SCAPER: variants seen among roughly 807,000 people sequenced by gnomAD.
The protein encoded by SCAPER is S-phase cyclin A associated protein in the ER.
Under a neutral mutation model 182.2 loss-of-function variants are expected in SCAPER, and 98 were observed. The ratio of observed to expected loss-of-function variants is 0.54; its 90% CI spans 0.46 to 0.64. SCAPER has a LOEUF of 0.64. Ranked by LOEUF, SCAPER falls within the 30% of genes least tolerant of loss-of-function variation. SCAPER has a pLI of 0.00. For missense variants in SCAPER, 1,432 were observed against 1,690.0 expected, an observed-to-expected ratio of 0.85 and a Z score of 2.68; for synonymous variants, 605 against 564.6, an observed-to-expected ratio of 1.07 and a Z score of -1.01.
intron 26 of SCAPER, among the ~76,000 whole-genome samples, chr15:76,409,509 GTGTGTGTGTATACGA>G (rs973473339): frequency 6.6e-6 from 1 of 151,994 alleles, no homozygotes; most frequent in Non-Finnish European, 1.5e-5. Context: ...ATGTGTGTGT[GTGTGTGTGTATACGA>G]TGTTCACTAT....
At chr15:76,604,847 A>G (rs866431758) in intron 22 of SCAPER, among the ~76,000 whole-genome samples, 16 of 151,324 alleles carry the variant, frequency 1.1e-4, no homozygotes, top group South Asian at 8.4e-4. Context: ...TGGTGTATAA[A>G]AATGCTTGTG....
At chr15:76,540,510 A>C (rs1335797507) in intron 23 of SCAPER, among the ~76,000 whole-genome samples, 1 of 152,168 alleles carries the variant, frequency 6.6e-6, no homozygotes, top group East Asian at 1.9e-4. Context: ...AAAAAACTAT[A>C]TATACACGTC....
intron 7 of SCAPER, among the ~76,000 whole-genome samples, chr15:76,797,835 TAAC>T (rs1598787853): frequency 6.7e-6 from 1 of 150,296 alleles, no homozygotes; most frequent in East Asian, 2.0e-4. Flanking sequence ...AAACTAACAG[TAAC>T]AACAACAGTC....
At chr15:76,713,012 G>A (rs892297449) in intron 17 of SCAPER, among the ~76,000 whole-genome samples, 1 of 152,098 alleles carries the variant, frequency 6.6e-6, no homozygotes, top group African/African-American at 2.4e-5. Flanking sequence ...TCCCTGTCTT[G>A]TGCCAGTTTT....
At chr15:76,486,163 C>T (rs7162455) in intron 24 of SCAPER, among the ~76,000 whole-genome samples, 60,059 of 151,762 alleles carry the variant, frequency 0.4, 14,130 homozygotes, top group Middle Eastern at 0.55. Context: ...GCCGAGATCA[C>T]GCCACTGCAC....
In SCAPER at chr15:76,478,009, C is replaced by A. The variant is rs8028397; in HGVS notation, c.2955-6674G>T. On this transcript the variant is annotated intron_variant, in intron 24 of 31. Transcript: ENST00000563290. ...TTTGATACAATCTGCCAAACTTTTC[C>A]TTTAGGACCTCTGAGATTCCTGTCA... 8.1e-3 allele frequency among the ~76,000 whole-genome samples: 1,231 copies of A among 151,172 alleles called. 10 individuals are homozygous for A. The highest frequency in any genetic ancestry group is 0.028 in the African/African-American group (1,167 of 41,222).
At chr15:76,767,653 C>T (rs1163726983) in intron 10 of SCAPER, among the ~76,000 whole-genome samples, 1 of 151,740 alleles carries the variant, frequency 6.6e-6, no homozygotes, top group Non-Finnish European at 1.5e-5. Flanking sequence ...ACAAAACAAA[C>T]ATGTGGTTAA....
chr15:76,592,169 C>T (rs996260791), intron 22 of SCAPER, among the ~76,000 whole-genome samples: 1 of 151,376 alleles, frequency 6.6e-6, no homozygotes, highest in African/African-American at 2.4e-5. Context: ...TATATAGGTT[C>T]TACATATAGG....
In SCAPER at chr15:76,771,972, A is replaced by G; in HGVS notation, c.1036-18T>C. 1.3e-6 allele frequency: 2 copies of G among 1,566,672 alleles called. No homozygotes were observed. Among genetic ancestry groups the G allele is most frequent in the Non-Finnish European group, 8.7e-7 (1 of 1,145,188 alleles). On this transcript the variant is annotated intron_variant, in intron 9 of 31. Coordinates refer to ENST00000563290, the MANE Select transcript of SCAPER (RefSeq NM_020843.4). ...ACTGTGAACTAACAAAACGTAGAGAATGAATCAGAGATAATTAAAAAATAC... is the reference window on the plus strand; with the variant it reads ...ACTGTGAACTAACAAAACGTAGAGAGTGAATCAGAGATAATTAAAAAATAC...
At chr15:76,461,023 A>G (rs2049130550) in intron 25 of SCAPER, among the ~76,000 whole-genome samples, 1 of 152,160 alleles carries the variant, frequency 6.6e-6, no homozygotes, top group South Asian at 2.1e-4. Context: ...AAGATTCCAT[A>G]ATGAATTGTC....
chr15:76,640,659 G>A (rs76647064), intron 21 of SCAPER, among the ~76,000 whole-genome samples: 4 of 152,178 alleles, frequency 2.6e-5, no homozygotes, highest in Admixed American at 6.5e-5. Context: ...CAATCCAATC[G>A]TGATCAGTGC....
At chr15:76,652,389 T>C (rs1455763099) in intron 21 of SCAPER, among the ~76,000 whole-genome samples, 3 of 62,144 alleles carry the variant, frequency 4.8e-5, no homozygotes, top group Non-Finnish European at 8.8e-5. Context: ...TATATATATA[T>C]ATATATATAT....
In SCAPER at chr15:76,348,583, C is replaced by A. The variant is rs1356400928; in HGVS notation, c.*50G>T. ...GGAACAATTAGAATGTTTGTTTGGA[C>A]AATTTAAAATATTAACAAGGGTACT... On this transcript the variant is annotated 3_prime_UTR_variant, in exon 32 of 32. Coordinates refer to ENST00000563290, the MANE Select transcript of SCAPER (RefSeq NM_020843.4). The A allele has an allele frequency of 8.0e-7, 1 of 1,252,728 alleles. No individual in the cohort carries two copies. The highest frequency in any genetic ancestry group is 1.1e-6 in the Non-Finnish European group (1 of 896,368). The allele number at this position is 1,252,728 out of a possible 1,614,324, so 77.6% of individuals were successfully genotyped here.
At chr15:76,355,543 CTTCT>C (rs372989976) in intron 29 of SCAPER, among the ~76,000 whole-genome samples, 4 of 21,718 alleles carry the variant, frequency 1.8e-4, no homozygotes, top group East Asian at 2.2e-3. Context: ...TATTAGAAGT[CTTCT>C]TTTTTTTTTT....
chr15:76,744,290 G>A (rs868671221), intron 15 of SCAPER, among the ~76,000 whole-genome samples: 108 of 152,020 alleles, frequency 7.1e-4, no homozygotes, highest in African/African-American at 2.4e-3. Context: ...TGACAAGTAG[G>A]GCCTAATTAA....
chr15:76,761,403 C>A (rs2151248967), intron 14 of SCAPER, among the ~76,000 whole-genome samples: 1 of 152,134 alleles, frequency 6.6e-6, no homozygotes, highest in Non-Finnish European at 1.5e-5. Context: ...TTTTCTAGTT[C>A]TGTGAGTTAG....
intron 4 of SCAPER, among the ~76,000 whole-genome samples, chr15:76,844,561 G>A (rs2069845416): frequency 6.6e-6 from 1 of 152,088 alleles, no homozygotes; most frequent in Non-Finnish European, 1.5e-5. Flanking sequence ...GAAATTCAAA[G>A]GATAGTTTGT....
Position 76,883,268 on chromosome 15 carries a change from C to T in SCAPER, c.6+544G>A, listed in dbSNP as rs2073671440. Reference sequence around the variant, plus strand: ...GAGGCAGACTGGACTCCATGTATACCTCCATTCCTTTCTCCTCCTCAATTT... The same window carrying T: ...GAGGCAGACTGGACTCCATGTATACTTCCATTCCTTTCTCCTCCTCAATTT... On this transcript the variant is annotated intron_variant, in intron 2 of 31. Coordinates refer to ENST00000563290, the MANE Select transcript of SCAPER (RefSeq NM_020843.4). Among the ~76,000 whole-genome samples the T allele has an allele frequency of 1.3e-5, 2 of 152,116 alleles. 1 individual carries two copies. The highest frequency in any genetic ancestry group is 1.3e-4 in the Admixed American group (2 of 15,282).
chr15:76,403,442 G>C (rs1453296702), intron 27 of SCAPER, among the ~76,000 whole-genome samples: 1 of 152,172 alleles, frequency 6.6e-6, no homozygotes, highest in Non-Finnish European at 1.5e-5. Flanking sequence ...AACGTGACTG[G>C]TGGTGAGGGA....
Sources: allele counts gnomAD v4.1 joint callset (sites outside exome capture counted in the v4.1 genomes callset), GRCh38; gene constraint gnomAD v4.1.1; transcripts MANE v1.5; gene names NCBI Gene and HGNC (gene_info 2026-07-23, HGNC 2026-07-21).